ABHD18: variants seen among roughly 807,000 people sequenced by gnomAD.
ABHD18 encodes the protein abhydrolase domain containing 18.
In ABHD18, 55 loss-of-function variants were observed where a neutral mutation model predicts 65.9. The observed-to-expected ratio is 0.84, with a 90% CI of 0.67 to 1.05. The LOEUF (loss-of-function observed/expected upper bound fraction) is 1.05. Ranked by LOEUF, ABHD18 falls within the 50% of genes least tolerant of loss-of-function variation. The pLI is 0.00. For synonymous variants in ABHD18, 181 were observed against 180.2 expected (o/e 1.00, Z -0.04); for missense variants, 533 against 558.5 (o/e 0.95, Z 0.46).
intron 4 of ABHD18, among the ~76,000 whole-genome samples, chr4:127,990,826 T>C (rs1750788914): frequency 6.6e-6 from 1 of 152,146 alleles, no homozygotes; most frequent in Non-Finnish European, 1.5e-5. Context: ...TTTTGGATCT[T>C]TGTTAATGTA....
chr4:128,033,891 G>C (rs938135971), intron 12 of ABHD18, among the ~76,000 whole-genome samples: 7 of 151,670 alleles, frequency 4.6e-5, no homozygotes, highest in Non-Finnish European at 8.8e-5. Context: ...TTGAACAAGT[G>C]GGATACAAAA....
intron 1 of ABHD18, among the ~76,000 whole-genome samples, chr4:127,967,281 A>G (rs1745793921): frequency 6.6e-6 from 1 of 151,970 alleles, no homozygotes; most frequent in East Asian, 1.9e-4. Flanking sequence ...GTACAAGGAA[A>G]TGGAAGGCAG....
At chr4:127,999,239 G>A (rs1190687563) in intron 4 of ABHD18, among the ~76,000 whole-genome samples, 9 of 151,936 alleles carry the variant, frequency 5.9e-5, no homozygotes, top group South Asian at 2.1e-4. Flanking sequence ...AGCAGAGATC[G>A]TGCCACTGCA....
At chr4:128,029,819 AT>A (rs911318387) in intron 11 of ABHD18, among the ~76,000 whole-genome samples, 54 of 152,052 alleles carry the variant, frequency 3.6e-4, no homozygotes, top group African/African-American at 1.3e-3. Context: ...GTGAGACTCC[AT>A]CTCAAAAACA....
chr4:128,001,002 T>A (rs577754800), intron 4 of ABHD18, among the ~76,000 whole-genome samples: 2 of 152,334 alleles, frequency 1.3e-5, no homozygotes, highest in East Asian at 3.9e-4. Context: ...CTTGAAACTT[T>A]GCTGAAGTTA....
chr4:128,033,938 T>C (rs1484496034), intron 12 of ABHD18, among the ~76,000 whole-genome samples: 1 of 151,428 alleles, frequency 6.6e-6, no homozygotes, highest in Non-Finnish European at 1.5e-5. Flanking sequence ...GGTGAAAATA[T>C]AGACATGCAT....
chr4:127,977,715 T>C lies in ABHD18; in HGVS notation c.-17-5224T>C, dbSNP rs17393405. Among the ~76,000 whole-genome samples, 604 of 152,302 alleles carry C rather than the reference T, an allele frequency of 4.0e-3. 5 individuals are homozygous for C. Among genetic ancestry groups the C allele is most frequent in the Middle Eastern group, 0.014 (4 of 294 alleles). ...GAATAAGTCTCTGCTAAATGTTTGA[T>C]GCATTCATTTCCAATTCTAATACAA... On this transcript the variant is annotated intron_variant, in intron 1 of 12. Transcript: ENST00000645843.
rs115660528 is a variant in ABHD18, at chr4:128,029,862, C to G, written c.1181-648C>G. On this transcript the variant is annotated intron_variant, in intron 11 of 12. Transcript: ENST00000645843. The stretch of plus-strand genomic sequence containing the variant: ...AATTAGCTGGGTGTGGTGGCATATG[C>G]TTATAGTCCCATCTACTCAGAGGCT... 3.2e-3 allele frequency among the ~76,000 whole-genome samples: 487 copies of G among 152,110 alleles called. 3 individuals carry two copies. Among genetic ancestry groups the G allele is most frequent in the Middle Eastern group, 0.017 (5 of 294 alleles).
At chr4:127,969,897 C>T (rs568505602) in intron 1 of ABHD18, among the ~76,000 whole-genome samples, 16 of 152,178 alleles carry the variant, frequency 1.1e-4, no homozygotes, top group South Asian at 6.2e-4. Context: ...CAGGTGTGCA[C>T]CACCACACCT....
At position 128,035,931 on chromosome 4, in the gene ABHD18, G is replaced by T. The variant is rs1758845908; in HGVS notation, c.*118G>T. On this transcript the variant is annotated 3_prime_UTR_variant, in exon 13 of 13. Coordinates refer to ENST00000645843, the MANE Select transcript of ABHD18 (RefSeq NM_001358451.3). ...AATATATCTAATCGCTATCAATTTG[G>T]TCTGGAATTCATTGTTACACATCAG... 2.0e-6 allele frequency: 1 copy of T among 504,618 alleles called. No homozygotes were observed. The highest frequency in any genetic ancestry group is 3.7e-5 in the Admixed American group (1 of 27,380). The allele number at this position is 504,618 out of a possible 1,614,324, so 31.3% of individuals were successfully genotyped here.
intron 9 of ABHD18, among the ~76,000 whole-genome samples, chr4:128,020,403 T>C (rs185976779): frequency 2.0e-5 from 3 of 151,944 alleles, no homozygotes; most frequent in Admixed American, 2.0e-4. Context: ...CTTCCAAGAG[T>C]CCTCTCCTAG....
At chr4:127,991,115 C>G (rs918443026) in intron 4 of ABHD18, among the ~76,000 whole-genome samples, 4 of 152,232 alleles carry the variant, frequency 2.6e-5, no homozygotes, top group East Asian at 1.9e-4. Flanking sequence ...CCACCTGCCT[C>G]GCCTCCCAAA....
chr4:128,025,301 C>T (rs1482355662), intron 10 of ABHD18, among the ~76,000 whole-genome samples: 1 of 152,062 alleles, frequency 6.6e-6, no homozygotes, highest in African/African-American at 2.4e-5. Flanking sequence ...CCACACCTGG[C>T]TAATTTTTGT....
chr4:127,981,069 G>A (rs924261648), intron 1 of ABHD18, among the ~76,000 whole-genome samples: 1 of 152,112 alleles, frequency 6.6e-6, no homozygotes, highest in African/African-American at 2.4e-5. Flanking sequence ...TTCAAGAGGT[G>A]TATGATTTTA....
At chr4:128,026,182 G>A (rs529852245) in intron 10 of ABHD18, among the ~76,000 whole-genome samples, 13 of 151,940 alleles carry the variant, frequency 8.6e-5, no homozygotes, top group Non-Finnish European at 1.8e-4. Context: ...CCAGCTACCC[G>A]GGAGGCTGAG....
chr4:127,999,148 G>T (rs1752259012), intron 4 of ABHD18, among the ~76,000 whole-genome samples: 1 of 152,070 alleles, frequency 6.6e-6, no homozygotes, highest in African/African-American at 2.4e-5. Flanking sequence ...GCTGGGCTTG[G>T]TGGTGCACGT....
intron 12 of ABHD18, among the ~76,000 whole-genome samples, chr4:128,032,913 C>T (rs947498559): frequency 1.3e-5 from 2 of 152,132 alleles, no homozygotes; most frequent in African/African-American, 4.8e-5. Flanking sequence ...AATTCAGATT[C>T]ATTCCACAAG....
chr4:128,014,178 T>G (rs1316055658), intron 7 of ABHD18, among the ~76,000 whole-genome samples: 1 of 151,734 alleles, frequency 6.6e-6, no homozygotes, highest in Non-Finnish European at 1.5e-5. Flanking sequence ...AGACAGGGTT[T>G]CTCCATGTTG....
chr4:128,030,366 G>T, intron 11 of ABHD18, 144 bp from the exon 12 acceptor site: 1 of 497,456 alleles, frequency 2.0e-6, no homozygotes, highest in East Asian at 3.5e-5. Flanking sequence ...ATCTCGTACT[G>T]GAGATGAGTA....
Sources: allele counts gnomAD v4.1 joint callset (sites outside exome capture counted in the v4.1 genomes callset), GRCh38; gene constraint gnomAD v4.1.1; transcripts MANE v1.5; gene names NCBI Gene and HGNC (gene_info 2026-07-23, HGNC 2026-07-21).